Variants in CNTNAP2 observed in about 807,000 individuals in gnomAD.
CNTNAP2 encodes the protein contactin-associated protein-like 2.
In CNTNAP2, 98 loss-of-function variants were observed where a neutral mutation model predicts 155.2. That is an observed-to-expected ratio of 0.63 (90% CI 0.54 to 0.75). CNTNAP2 has a LOEUF of 0.75. CNTNAP2 is among the 30% of genes least tolerant of loss of function. The pLI is 0.00. For synonymous variants in CNTNAP2, 651 were observed against 631.2 expected (o/e 1.03, Z -0.47); for missense variants, 1,727 against 1,688.1 (o/e 1.02, Z -0.40).
intron 11 of CNTNAP2, among the ~76,000 whole-genome samples, chr7:147,500,841 G>A (rs1290027788): frequency 2.6e-5 from 4 of 152,110 alleles, no homozygotes; most frequent in Non-Finnish European, 5.9e-5. Context: ...TTTATGCCAA[G>A]TTTTGTTCTA....
intron 13 of CNTNAP2, among the ~76,000 whole-genome samples, chr7:147,732,307 G>A (rs866542561): frequency 2.6e-4 from 40 of 151,396 alleles, no homozygotes; most frequent in African/African-American, 7.0e-4. Flanking sequence ...CTGTCATTGC[G>A]ATAGTTTGCT....
intron 1 of CNTNAP2, among the ~76,000 whole-genome samples, chr7:146,199,971 CA>C (rs1798833831): frequency 1.3e-5 from 2 of 152,116 alleles, no homozygotes; most frequent in Admixed American, 1.3e-4. Context: ...GTTCTTTCCT[CA>C]AAAAATCCCA....
Position 146,582,267 on chromosome 7 carries a change from A to G in CNTNAP2, c.98-192004A>G, listed in dbSNP as rs192668956. ...ACATCTGTTTTTGTCGTTTGCATGCATATAGAATCACACATTTATCTCTTT... is the reference window on the plus strand; with the variant it reads ...ACATCTGTTTTTGTCGTTTGCATGCGTATAGAATCACACATTTATCTCTTT... On this transcript the variant is annotated intron_variant, in intron 1 of 23. Coordinates refer to ENST00000361727, the MANE Select transcript of CNTNAP2 (RefSeq NM_014141.6). Among the ~76,000 whole-genome samples the G allele has an allele frequency of 2.5e-4, 38 of 152,280 alleles. No homozygotes were observed. The East Asian group carries it at 6.6e-3, about 26-fold the overall frequency.
intron 21 of CNTNAP2, among the ~76,000 whole-genome samples, chr7:148,364,292 G>C (rs1798687521): frequency 6.6e-6 from 1 of 152,254 alleles, no homozygotes; most frequent in African/African-American, 2.4e-5. Flanking sequence ...TGGGGACATG[G>C]AGAGTCTTTA....
chr7:146,928,722 C>A (rs1341467790), intron 3 of CNTNAP2, among the ~76,000 whole-genome samples: 1 of 152,190 alleles, frequency 6.6e-6, no homozygotes, highest in African/African-American at 2.4e-5. Flanking sequence ...AAAATCGGGT[C>A]ACTCCCACCC....
chr7:147,984,789 G>A (rs1372589138), intron 15 of CNTNAP2, among the ~76,000 whole-genome samples: 1 of 152,016 alleles, frequency 6.6e-6, no homozygotes, highest in Non-Finnish European at 1.5e-5. Context: ...TGGGAGCAGG[G>A]GAGGAGAGGA....
intron 17 of CNTNAP2, among the ~76,000 whole-genome samples, chr7:148,166,736 C>T (rs907412359): frequency 6.6e-6 from 1 of 152,178 alleles, no homozygotes; most frequent in South Asian, 2.1e-4. Flanking sequence ...GTGCGTGAAG[C>T]CCTTGCATGG....
intron 1 of CNTNAP2, among the ~76,000 whole-genome samples, chr7:146,154,356 A>T (rs1044628110): frequency 2.6e-5 from 4 of 152,174 alleles, no homozygotes. Flanking sequence ...CTAATTCTAC[A>T]AGCTATACAG....
intron 12 of CNTNAP2, among the ~76,000 whole-genome samples, chr7:147,615,979 A>G (rs1420761553): frequency 6.6e-6 from 1 of 151,666 alleles, no homozygotes; most frequent in East Asian, 1.9e-4. Flanking sequence ...ATTTCCCACA[A>G]TTTCTCCCAC....
intron 1 of CNTNAP2, among the ~76,000 whole-genome samples, chr7:146,656,882 C>G (rs1441090848): frequency 1.8e-4 from 27 of 152,100 alleles, no homozygotes. Context: ...TGTCAATCTC[C>G]TATTTAAAAA....
intron 1 of CNTNAP2, among the ~76,000 whole-genome samples, chr7:146,476,751 T>A (rs1354803916): frequency 6.6e-6 from 1 of 152,130 alleles, no homozygotes; most frequent in East Asian, 1.9e-4. Flanking sequence ...GATACAACAA[T>A]AGTTTAAAGA....
chr7:147,154,555 A>G (rs1801887006), intron 8 of CNTNAP2, among the ~76,000 whole-genome samples: 1 of 152,164 alleles, frequency 6.6e-6, no homozygotes, highest in African/African-American at 2.4e-5. Flanking sequence ...CTTCCATTTT[A>G]TATATTAATT....
At chr7:147,330,280 A>T (rs1020261996) in intron 9 of CNTNAP2, among the ~76,000 whole-genome samples, 7 of 152,144 alleles carry the variant, frequency 4.6e-5, no homozygotes, top group African/African-American at 1.7e-4. Flanking sequence ...CAGAGAAGGT[A>T]TAGAAACTGT....
intron 1 of CNTNAP2, among the ~76,000 whole-genome samples, chr7:146,480,625 G>C (rs1796944770): frequency 6.7e-6 from 1 of 149,708 alleles, no homozygotes; most frequent in Non-Finnish European, 1.5e-5. Flanking sequence ...CAGTTTGTGA[G>C]TGTGTGTAAT....
intron 1 of CNTNAP2, among the ~76,000 whole-genome samples, chr7:146,640,785 T>G (rs947564519): frequency 3.3e-5 from 5 of 152,138 alleles, no homozygotes; most frequent in Non-Finnish European, 7.4e-5. Context: ...ACTCCAGTGT[T>G]TGAAGGATGA....
At chr7:146,640,663 T>C (rs1799689390) in intron 1 of CNTNAP2, among the ~76,000 whole-genome samples, 1 of 152,232 alleles carries the variant, frequency 6.6e-6, no homozygotes, top group East Asian at 1.9e-4. Context: ...TAGCACCTAC[T>C]GTAATTGCTT....
chr7:147,949,236 TGAAAA>T (rs939723342), intron 14 of CNTNAP2, among the ~76,000 whole-genome samples: 2 of 151,532 alleles, frequency 1.3e-5, no homozygotes, highest in African/African-American at 4.8e-5. Context: ...AAAATCATAA[TGAAAA>T]GAAAAATATA....
At chr7:148,075,130 G>A (rs1011598900) in intron 15 of CNTNAP2, among the ~76,000 whole-genome samples, 3 of 151,930 alleles carry the variant, frequency 2.0e-5, no homozygotes, top group African/African-American at 7.3e-5. Flanking sequence ...TTGATTACTT[G>A]ATGTTTCAGT....
chr7:147,563,568 G>A (rs1302473691), intron 12 of CNTNAP2, among the ~76,000 whole-genome samples: 2 of 152,022 alleles, frequency 1.3e-5, no homozygotes, highest in Admixed American at 1.3e-4. Context: ...GGAGGAGGTT[G>A]TAGTGAGCCG....
Sources: allele counts gnomAD v4.1 joint callset (sites outside exome capture counted in the v4.1 genomes callset), GRCh38; gene constraint gnomAD v4.1.1; transcripts MANE v1.5; gene names NCBI Gene and HGNC (gene_info 2026-07-23, HGNC 2026-07-21).